The following AGMO variants were observed in gnomAD, a reference collection of about 807,000 sequenced individuals.
The protein encoded by AGMO is alkylglycerol monooxygenase, also known as glyceryl-ether monooxygenase.
AGMO carries 75 observed loss-of-function variants against 60.2 expected under a neutral mutation model. The ratio of observed to expected loss-of-function variants is 1.25; its 90% confidence interval spans 1.03 to 1.51. AGMO has a LOEUF of 1.51. Ranked by LOEUF, AGMO falls within the 40% of genes most tolerant of loss-of-function variation. The probability of loss-of-function intolerance (pLI) is 0.00; values close to 1 mark genes in which losing one functional copy is unlikely to be tolerated. For missense variants in AGMO, 763 were observed against 525.5 expected (o/e 1.45, Z -4.42); for synonymous variants, 261 against 177.1 (o/e 1.47, Z -3.76).
At chr7:15,330,149 G>C (rs1047925964) in intron 12 of AGMO, among the ~76,000 whole-genome samples, 2 of 151,940 alleles carry the variant, frequency 1.3e-5, no homozygotes, top group Non-Finnish European at 2.9e-5. Flanking sequence ...TCACATTATT[G>C]ATATTGCAGT....
intron 5 of AGMO, among the ~76,000 whole-genome samples, chr7:15,399,533 G>A (rs1212670094): frequency 2.6e-5 from 4 of 151,974 alleles, no homozygotes; most frequent in East Asian, 1.9e-4. Context: ...TATTTCTTAA[G>A]CTATTTTATT....
At chr7:15,495,814 T>G (rs893149880) in intron 3 of AGMO, among the ~76,000 whole-genome samples, 1 of 130,008 alleles carries the variant, frequency 7.7e-6, no homozygotes, top group Non-Finnish European at 1.7e-5. Flanking sequence ...TAAGTGGGGA[T>G]GGAGACTCTC....
rs570561743 is a variant in AGMO, at chr7:15,295,603, T to C, written c.1263+69911A>G. ...AATCCTCGCTATTAATAGTATAATT[T>C]TGATTAAAATAATATATAGATGTTT... On this transcript the variant is annotated intron_variant, in intron 12 of 12. Coordinates refer to ENST00000342526, the MANE Select transcript of AGMO (RefSeq NM_001004320.2). Among the ~76,000 whole-genome samples, 122 of 152,202 alleles carry C rather than the reference T, an allele frequency of 8.0e-4. 1 individual carries two copies. Among genetic ancestry groups the C allele is most frequent in the Non-Finnish European group, 1.5e-3 (104 of 67,936 alleles).
At chr7:15,519,281 C>G (rs970624596) in intron 3 of AGMO, among the ~76,000 whole-genome samples, 1 of 151,796 alleles carries the variant, frequency 6.6e-6, no homozygotes, top group African/African-American at 2.4e-5. Flanking sequence ...GACAGGCCAA[C>G]ATTCAAATTC....
intron 3 of AGMO, among the ~76,000 whole-genome samples, chr7:15,461,791 T>C (rs1261747168): frequency 6.6e-6 from 1 of 152,084 alleles, no homozygotes; most frequent in Non-Finnish European, 1.5e-5. Context: ...TTTACACATG[T>C]ATATACTTGA....
chr7:15,269,402 T>C (rs117926802), intron 12 of AGMO, among the ~76,000 whole-genome samples: 7,253 of 152,030 alleles, frequency 0.048, 284 homozygotes, highest in South Asian at 0.19. Context: ...ATGAGAACAA[T>C]GATGGACAAG....
intron 6 of AGMO, among the ~76,000 whole-genome samples, chr7:15,393,326 A>G (rs574576493): frequency 5.3e-5 from 8 of 152,084 alleles, no homozygotes; most frequent in South Asian, 2.1e-4. Flanking sequence ...GAACAATAGC[A>G]TTTACTTATG....
At chr7:15,328,262 T>TA (rs1781405633) in intron 12 of AGMO, among the ~76,000 whole-genome samples, 1 of 151,930 alleles carries the variant, frequency 6.6e-6, no homozygotes, top group East Asian at 1.9e-4. Context: ...CACACCCGGC[T>TA]AGTTTTGTAT....
chr7:15,169,373 C>T, the AGMO span, among the ~76,000 whole-genome samples: 1 of 152,076 alleles, frequency 6.6e-6, no homozygotes, highest in African/African-American at 2.4e-5. Flanking sequence ...ATTCTCAATT[C>T]GACTGAATTA....
intron 10 of AGMO, among the ~76,000 whole-genome samples, chr7:15,372,706 A>G (rs1225305473): frequency 6.6e-6 from 1 of 152,170 alleles, no homozygotes; most frequent in African/African-American, 2.4e-5. Context: ...CAATATGTGA[A>G]ATCACACGTA....
the AGMO span, among the ~76,000 whole-genome samples, chr7:15,153,650 G>A: frequency 6.6e-6 from 1 of 152,118 alleles, no homozygotes; most frequent in Non-Finnish European, 1.5e-5. Context: ...TCAGTTGACT[G>A]TAAGCATTTG....
At chr7:15,329,021 T>C (rs1041730946) in intron 12 of AGMO, among the ~76,000 whole-genome samples, 7 of 152,276 alleles carry the variant, frequency 4.6e-5, no homozygotes, top group Non-Finnish European at 1.0e-4. Context: ...CAAGAGTTCA[T>C]AGAAAACACA....
At chr7:15,394,037 T>C (rs1160905911) in intron 6 of AGMO, 76 bp downstream of exon 6, 1 of 1,090,874 alleles carries the variant, frequency 9.2e-7, no homozygotes, top group Non-Finnish European at 1.4e-6. Flanking sequence ...AAATTGTGAT[T>C]AAATGAGATT....
chr7:15,221,833 G>A (rs903867196), intron 12 of AGMO, among the ~76,000 whole-genome samples: 4 of 152,070 alleles, frequency 2.6e-5, no homozygotes, highest in Non-Finnish European at 5.9e-5. Context: ...TGCAGTATCC[G>A]TGAACTAGAA....
At chr7:15,380,815 T>C (rs1454808724) in intron 10 of AGMO, among the ~76,000 whole-genome samples, 1 of 152,152 alleles carries the variant, frequency 6.6e-6, no homozygotes, top group Non-Finnish European at 1.5e-5. Context: ...AGCAGCATGG[T>C]ACTGGCACAA....
chr7:15,444,637 G>A (rs1341686171), intron 3 of AGMO, among the ~76,000 whole-genome samples: 1 of 152,142 alleles, frequency 6.6e-6, no homozygotes, highest in Non-Finnish European at 1.5e-5. Context: ...CCAACTGGGT[G>A]CATTTCCTTG....
At chr7:15,199,867 T>C (rs1417946394), downstream of AGMO, among the ~76,000 whole-genome samples, 2 of 152,200 alleles carry the variant, frequency 1.3e-5, no homozygotes, top group African/African-American at 4.8e-5. Context: ...TGCTTTTTCA[T>C]CATGCAAAAT....
At chr7:15,119,225 T>C in the AGMO span, among the ~76,000 whole-genome samples, 46 of 151,828 alleles carry the variant, frequency 3.0e-4, 1 homozygote, top group Non-Finnish European at 5.1e-4. Flanking sequence ...TCTCCTGCTC[T>C]GGCCATGTGA....
At chr7:15,445,125 G>C (rs1252482831) in intron 3 of AGMO, among the ~76,000 whole-genome samples, 2 of 152,096 alleles carry the variant, frequency 1.3e-5, no homozygotes, top group Non-Finnish European at 2.9e-5. Context: ...TTAAAACACT[G>C]TAGCGAACAT....
Sources: allele counts gnomAD v4.1 joint callset (sites outside exome capture counted in the v4.1 genomes callset), GRCh38; gene constraint gnomAD v4.1.1; transcripts MANE v1.5; gene names NCBI Gene and HGNC (gene_info 2026-07-23, HGNC 2026-07-21).